Variants in EPHA6 observed in about 807,000 individuals in gnomAD.
EPHA6 encodes ephrin type-A receptor 6.
Under a neutral mutation model 112.0 loss-of-function variants are expected in EPHA6, and 50 were observed. The observed-to-expected ratio is 0.45, with a 90% CI of 0.36 to 0.56. The LOEUF (loss-of-function observed/expected upper bound fraction) is 0.56, where lower values mean the gene tolerates loss of function less well. EPHA6 is among the 20% of genes least tolerant of loss of function. The pLI, the probability that EPHA6 is intolerant of heterozygous loss-of-function variation, is 0.00. For synonymous variants in EPHA6, 529 were observed against 490.7 expected, an observed-to-expected ratio of 1.08 and a Z score of -1.03; for missense variants, 1,280 against 1,417.4, an observed-to-expected ratio of 0.90 and a Z score of 1.56.
chr3:97,395,513 C>T (rs1559955210), intron 5 of EPHA6, among the ~76,000 whole-genome samples: 1 of 151,744 alleles, frequency 6.6e-6, no homozygotes, highest in Non-Finnish European at 1.5e-5. Context: ...TGAGCATACA[C>T]AGAAAGAAAC....
chr3:97,662,183 A>T (rs1322646129), intron 14 of EPHA6, among the ~76,000 whole-genome samples: 3 of 152,134 alleles, frequency 2.0e-5, no homozygotes, highest in African/African-American at 4.8e-5. Context: ...ATAAATACTA[A>T]GCCTCCTTTG....
chr3:96,861,837 G>C (rs952103945), intron 1 of EPHA6, among the ~76,000 whole-genome samples: 1 of 151,910 alleles, frequency 6.6e-6, no homozygotes, highest in Non-Finnish European at 1.5e-5. Flanking sequence ...AAGAAAGTAT[G>C]ATCCTCTTTA....
chr3:97,127,140 T>G (rs1231798964), intron 3 of EPHA6, among the ~76,000 whole-genome samples: 2 of 152,128 alleles, frequency 1.3e-5, no homozygotes, highest in African/African-American at 4.8e-5. Context: ...ACCCAAGTAA[T>G]AGTTAAACTT....
intron 5 of EPHA6, among the ~76,000 whole-genome samples, chr3:97,267,246 T>C (rs1055779645): frequency 6.6e-6 from 1 of 152,134 alleles, no homozygotes; most frequent in Non-Finnish European, 1.5e-5. Context: ...TTATTATTTT[T>C]TTCCAATGGG....
chr3:97,157,819 A>G (rs1031371405), intron 3 of EPHA6, among the ~76,000 whole-genome samples: 2 of 152,136 alleles, frequency 1.3e-5, no homozygotes, highest in African/African-American at 4.8e-5. Context: ...CCGCACCTAC[A>G]TTAGGGAGGG....
intron 7 of EPHA6, among the ~76,000 whole-genome samples, chr3:97,464,146 A>T (rs1176998813): frequency 1.3e-5 from 2 of 152,088 alleles, no homozygotes; most frequent in Non-Finnish European, 2.9e-5. Context: ...CATGCATGAA[A>T]ATTGCCAAAC....
chr3:97,475,114 G>A (rs1351175791), intron 7 of EPHA6, among the ~76,000 whole-genome samples: 1 of 149,302 alleles, frequency 6.7e-6, no homozygotes, highest in East Asian at 1.9e-4. Flanking sequence ...CTACTTTATT[G>A]ATCTTTTTTG....
intron 7 of EPHA6, among the ~76,000 whole-genome samples, chr3:97,472,131 C>A (rs941804986): frequency 4.0e-5 from 6 of 151,720 alleles, no homozygotes; most frequent in Non-Finnish European, 8.9e-5. Flanking sequence ...CTTAATTACA[C>A]CTGCAAATTC....
At chr3:97,209,818 G>T (rs1374234987) in intron 3 of EPHA6, among the ~76,000 whole-genome samples, 1 of 152,128 alleles carries the variant, frequency 6.6e-6, no homozygotes, top group Admixed American at 6.6e-5. Context: ...GATACTTTCA[G>T]CAGTGATGAG....
At chr3:96,829,237 C>T (rs2033861456) in intron 1 of EPHA6, among the ~76,000 whole-genome samples, 2 of 152,062 alleles carry the variant, frequency 1.3e-5, no homozygotes, top group South Asian at 2.1e-4. Flanking sequence ...GAGAATCATT[C>T]GTTTTATGTT....
intron 11 of EPHA6, among the ~76,000 whole-genome samples, chr3:97,534,223 A>G (rs2092730333): frequency 6.6e-6 from 1 of 152,156 alleles, no homozygotes; most frequent in African/African-American, 2.4e-5. Flanking sequence ...TTTGTGCATC[A>G]TTGTAAACCA....
At chr3:97,648,288 C>A in intron 14 of EPHA6, 1 of 1,076,756 alleles carries the variant, frequency 9.3e-7, no homozygotes, top group Non-Finnish European at 1.4e-6. Context: ...ATTCATAGGA[C>A]CTCTTCCAAA....
chr3:97,100,335 G>T (rs2047366997), intron 3 of EPHA6, among the ~76,000 whole-genome samples: 1 of 151,104 alleles, frequency 6.6e-6, no homozygotes, highest in African/African-American at 2.4e-5. Context: ...AGTTTTTAAT[G>T]CAATACTATA....
intron 10 of EPHA6, among the ~76,000 whole-genome samples, chr3:97,527,925 G>C (rs1291463230): frequency 1.3e-5 from 2 of 152,088 alleles, no homozygotes; most frequent in Non-Finnish European, 2.9e-5. Context: ...TTTCCTGTAA[G>C]GCTATTTATG....
intron 1 of EPHA6, among the ~76,000 whole-genome samples, chr3:96,841,324 G>A (rs1033979347): frequency 5.3e-5 from 8 of 152,180 alleles, no homozygotes; most frequent in East Asian, 1.9e-4. Context: ...GAATGCGGGC[G>A]GGTTTGCCCT....
chr3:97,485,079 G>A (rs563055984), intron 10 of EPHA6, among the ~76,000 whole-genome samples: 1 of 152,340 alleles, frequency 6.6e-6, no homozygotes, highest in Admixed American at 6.5e-5. Flanking sequence ...ATTGGATCTT[G>A]ATGGGGAACA....
chr3:97,442,680 C>A (rs1316270682), intron 6 of EPHA6, among the ~76,000 whole-genome samples: 1 of 152,104 alleles, frequency 6.6e-6, no homozygotes, highest in East Asian at 1.9e-4. Flanking sequence ...CCCTACAGAG[C>A]TTGAGAATCC....
At chr3:97,454,969 T>A (rs1240644261) in intron 7 of EPHA6, among the ~76,000 whole-genome samples, 1 of 151,984 alleles carries the variant, frequency 6.6e-6, no homozygotes, top group Non-Finnish European at 1.5e-5. Context: ...AAGACTTTAA[T>A]TTAAAGTAAT....
At chr3:96,942,320 A>G (rs925997822) in intron 2 of EPHA6, among the ~76,000 whole-genome samples, 1 of 150,218 alleles carries the variant, frequency 6.7e-6, no homozygotes, top group Non-Finnish European at 1.5e-5. Flanking sequence ...AATGGCAGGC[A>G]CCCCTCCCCC....
Sources: gnomAD v4.1 joint callset for allele counts (sites outside exome capture counted in the v4.1 genomes callset) on GRCh38, gnomAD v4.1.1 for gene constraint, MANE v1.5 for transcripts, NCBI Gene and HGNC (gene_info 2026-07-23, HGNC 2026-07-21) for gene names.